The following ABCC1 variants were observed in gnomAD, a reference collection of about 807,000 sequenced individuals.
ABCC1 encodes the protein multidrug resistance-associated protein 1.
ABCC1 carries 83 observed loss-of-function variants against 172.9 expected under a neutral mutation model. That is an observed-to-expected ratio of 0.48 (90% CI 0.40 to 0.58). The LOEUF is 0.58. ABCC1 is among the 20% of genes least tolerant of loss of function. ABCC1 has a pLI of 0.00. For missense variants in ABCC1, 1,817 were observed against 2,002.7 expected, an observed-to-expected ratio of 0.91 and a Z score of 1.77; for synonymous variants, 937 against 825.2, an observed-to-expected ratio of 1.14 and a Z score of -2.32.
At chr16:16,095,351 T>C (rs1413433938) in intron 19 of ABCC1, 4 of 152,232 alleles carry the variant, frequency 2.6e-5, no homozygotes, top group Non-Finnish European at 4.4e-5. Flanking sequence ...CCTAGAGCAG[T>C]GGTTTTCCAT....
intron 1 of ABCC1, among the ~76,000 whole-genome samples, chr16:15,965,988 T>A (rs1216147449): frequency 6.6e-6 from 1 of 152,160 alleles, no homozygotes; most frequent in Non-Finnish European, 1.5e-5. Flanking sequence ...GTGGAATGAA[T>A]AACATCTGAA....
chr16:16,038,183 TGATG>T (rs544621189), intron 7 of ABCC1, among the ~76,000 whole-genome samples: 51 of 151,698 alleles, frequency 3.4e-4, no homozygotes, highest in African/African-American at 1.2e-3. Flanking sequence ...GATTGATAGA[TGATG>T]GATGGATGGA....
chr16:16,133,473 G>A (rs45448693), intron 27 of ABCC1, among the ~76,000 whole-genome samples: 2,093 of 151,828 alleles, frequency 0.014, 40 homozygotes, highest in East Asian at 0.068. Context: ...GTGCTATTTC[G>A]GCTCACTGCA....
chr16:16,091,434 A>G (rs1306194107), intron 19 of ABCC1, among the ~76,000 whole-genome samples: 1 of 149,740 alleles, frequency 6.7e-6, no homozygotes. Flanking sequence ...TTCAGATGCT[A>G]TTAAGTGCTT....
chr16:16,071,821 C>A (rs368171013), intron 14 of ABCC1, 92 bp downstream of exon 14: 15 of 1,228,014 alleles, frequency 1.2e-5, no homozygotes, highest in Middle Eastern at 4.4e-4. Flanking sequence ...CCTTGGCTGC[C>A]CTCAGGTTTG....
chr16:16,011,678 T>C (rs1310885503), intron 3 of ABCC1, among the ~76,000 whole-genome samples: 1 of 151,834 alleles, frequency 6.6e-6, no homozygotes, highest in Non-Finnish European at 1.5e-5. Context: ...ATTTTTTTAT[T>C]TTTCCCCCCG....
intron 7 of ABCC1, among the ~76,000 whole-genome samples, chr16:16,036,972 C>A (rs903801861): frequency 1.3e-5 from 2 of 152,026 alleles, no homozygotes; most frequent in African/African-American, 4.8e-5. Context: ...GGCATGGTGG[C>A]AGGCGCCTGT....
intron 5 of ABCC1, among the ~76,000 whole-genome samples, chr16:16,027,512 C>CA (rs1293560843): frequency 6.6e-6 from 1 of 151,988 alleles, no homozygotes; most frequent in African/African-American, 2.4e-5. Context: ...TGTATATTGA[C>CA]AAATAAAAAT....
chr16:16,040,064 T>TGTA (rs34325137), intron 7 of ABCC1, among the ~76,000 whole-genome samples: 8,297 of 134,698 alleles, frequency 0.062, 370 homozygotes, highest in East Asian at 0.23. Context: ...GTTTGTTTGT[T>TGTA]TGTATGTATG....
intron 23 of ABCC1, among the ~76,000 whole-genome samples, chr16:16,120,371 T>C (rs1317678660): frequency 6.6e-6 from 1 of 152,220 alleles, no homozygotes; most frequent in Non-Finnish European, 1.5e-5. Flanking sequence ...TGTCCTCACA[T>C]GGCTGGTGCA....
chr16:16,072,897 C>T (rs2050405433), intron 14 of ABCC1, among the ~76,000 whole-genome samples: 1 of 151,694 alleles, frequency 6.6e-6, no homozygotes, highest in African/African-American at 2.4e-5. Flanking sequence ...CAAAAATTAG[C>T]TGGACATGGT....
At chr16:16,035,467 AT>A (rs949305077) in intron 6 of ABCC1, among the ~76,000 whole-genome samples, 73 of 146,358 alleles carry the variant, frequency 5.0e-4, no homozygotes, top group African/African-American at 1.8e-3. Context: ...CAGCCTTTTT[AT>A]TTTTTAATTT....
At chr16:16,064,038 C>T (rs45437100) in intron 12 of ABCC1, among the ~76,000 whole-genome samples, 21 of 152,236 alleles carry the variant, frequency 1.4e-4, no homozygotes, top group Admixed American at 3.3e-4. Flanking sequence ...AAGTTCAGTT[C>T]CCCCAGAGAA....
chr16:16,036,408 C>CCCT, intron 6 of ABCC1, 64 bp from the exon 7 acceptor site: 1 of 1,513,240 alleles, frequency 6.6e-7, no homozygotes, highest in South Asian at 1.2e-5. Flanking sequence ...GTGAGTGAGC[C>CCCT]CCGTCCTCCC....
chr16:16,079,510 G>T (rs1364288703), intron 16 of ABCC1, 32 bp downstream of exon 16: 2 of 1,592,880 alleles, frequency 1.3e-6, no homozygotes, highest in Admixed American at 3.4e-5. Flanking sequence ...AGGGGCAGTG[G>T]GGAAGCTGGT....
In ABCC1 at chr16:16,000,691, C is replaced by T. The variant is rs561332054; in HGVS notation, c.49-7125C>T. 2.6e-5 allele frequency among the ~76,000 whole-genome samples: 4 copies of T among 152,230 alleles called. No individual in the cohort carries two copies. In the South Asian group the frequency reaches 8.3e-4, roughly 32 times the overall value. On this transcript the variant is annotated intron_variant, in intron 1 of 30. Transcript: ENST00000399410. ...CCCAGGCTGGTCTTGAACTCCTGGG[C>T]TCAAGTGATCCTCCTGCCTTGGCCT...
At chr16:15,957,813 C>G (rs12449241) in intron 1 of ABCC1, among the ~76,000 whole-genome samples, 2 of 151,952 alleles carry the variant, frequency 1.3e-5, no homozygotes, top group Non-Finnish European at 2.9e-5. Flanking sequence ...AGCATGGCCT[C>G]GATCTCTTGA....
intron 24 of ABCC1, among the ~76,000 whole-genome samples, chr16:16,124,453 C>CTGTGTGTGTGTGTGTGTGTGT (rs1596540674): frequency 6.7e-6 from 1 of 150,076 alleles, no homozygotes; most frequent in Non-Finnish European, 1.5e-5. Flanking sequence ...CTACGCCCGG[C>CTGTGTGTGTGTGTGTGTGTGT]CTATGTGTAT....
chr16:16,127,323 C>T (rs745899957), intron 26 of ABCC1, among the ~76,000 whole-genome samples: 5 of 152,194 alleles, frequency 3.3e-5, no homozygotes, highest in Admixed American at 6.5e-5. Flanking sequence ...TCTCCTACCT[C>T]TGCCTCCTGA....
Sources: gnomAD v4.1 joint callset for allele counts (sites outside exome capture counted in the v4.1 genomes callset) on GRCh38, gnomAD v4.1.1 for gene constraint, MANE v1.5 for transcripts, NCBI Gene and HGNC (gene_info 2026-07-23, HGNC 2026-07-21) for gene names.